The following KCNC2 variants were observed in gnomAD, a reference collection of about 807,000 sequenced individuals.
The protein encoded by KCNC2 is voltage-gated potassium channel KCNC2.
A neutral mutation model predicts 44.5 loss-of-function variants in KCNC2; 21 were observed. The observed-to-expected ratio is 0.47, with a 90% CI of 0.33 to 0.68. The LOEUF is 0.68. Ranked by LOEUF, KCNC2 falls within the 30% of genes least tolerant of loss-of-function variation. The pLI is 0.01. For missense variants in KCNC2, 589 were observed against 826.2 expected, an observed-to-expected ratio of 0.71 and a Z score of 3.52; for synonymous variants, 391 against 339.1, an observed-to-expected ratio of 1.15 and a Z score of -1.68.
intron 2 of KCNC2, among the ~76,000 whole-genome samples, chr12:75,121,007 A>C (rs534655021): frequency 3.3e-5 from 5 of 152,310 alleles, no homozygotes; most frequent in Non-Finnish European, 7.4e-5. Flanking sequence ...CACCATTTGC[A>C]CAGTGTCTGT....
chr12:75,174,377 T>C (rs1018202947), intron 2 of KCNC2, among the ~76,000 whole-genome samples: 81 of 152,062 alleles, frequency 5.3e-4, no homozygotes, highest in East Asian at 9.7e-4. Flanking sequence ...TTTTCAAATG[T>C]TCTTAGGTAA....
At chr12:75,143,483 T>C (rs2137418236) in intron 2 of KCNC2, among the ~76,000 whole-genome samples, 1 of 152,314 alleles carries the variant, frequency 6.6e-6, no homozygotes. Context: ...AGGTAGACAC[T>C]ACATTTGGTA....
intron 2 of KCNC2, among the ~76,000 whole-genome samples, chr12:75,106,528 C>T (rs1471911362): frequency 6.6e-6 from 1 of 151,948 alleles, no homozygotes; most frequent in African/African-American, 2.4e-5. Context: ...GGCATTATTA[C>T]CTTGCAGGGA....
At chr12:75,132,033 T>A (rs1291601970) in intron 2 of KCNC2, among the ~76,000 whole-genome samples, 1 of 152,118 alleles carries the variant, frequency 6.6e-6, no homozygotes, top group South Asian at 2.1e-4. Flanking sequence ...ATCAGAAAAT[T>A]TACTAATTTT....
chr12:75,058,742 A>G (rs909037200), intron 2 of KCNC2, among the ~76,000 whole-genome samples: 5 of 151,924 alleles, frequency 3.3e-5, no homozygotes, highest in African/African-American at 7.2e-5. Flanking sequence ...CTCAAATATT[A>G]TTGTTCTTGC....
intron 4 of KCNC2, chr12:75,043,553 G>A (rs2136912790): frequency 8.3e-7 from 1 of 1,201,194 alleles, no homozygotes; most frequent in East Asian, 3.0e-5. Context: ...ATTAGGCAAA[G>A]CAACTTAAGT....
At position 75,201,287 on chromosome 12, in the gene KCNC2, AAAAAAAAAAAAC is replaced by A. The variant is rs1276136039; in HGVS notation, c.687+5998_687+6009del. Among the ~76,000 whole-genome samples, 83 of 109,672 alleles carry A rather than the reference AAAAAAAAAAAAC, an allele frequency of 7.6e-4. 4 individuals are homozygous for A. The highest frequency in any genetic ancestry group is 2.2e-3 in the African/African-American group (63 of 28,496). The allele number at this position is 109,672 out of a possible 152,430, so 71.9% of individuals were successfully genotyped here. On this transcript the variant is annotated intron_variant, in intron 2 of 4. Transcript: ENST00000549446. The stretch of plus-strand genomic sequence containing the variant: ...GAAAAAAAAAAAAAAAAAAAAAAAA[AAAAAAAAAAAAC>A]CAGATTCTGGTTTACTTTATTAGTG...
chr12:75,084,843 AAG>A (rs1884860631), intron 2 of KCNC2, among the ~76,000 whole-genome samples: 2 of 151,870 alleles, frequency 1.3e-5, no homozygotes, highest in African/African-American at 4.8e-5. Context: ...TGTATGCTCT[AAG>A]AGAGTTAATG....
chr12:75,105,175 T>TCCTCATTG (rs956323708), intron 2 of KCNC2, among the ~76,000 whole-genome samples: 58 of 152,266 alleles, frequency 3.8e-4, no homozygotes, highest in African/African-American at 1.4e-3. Flanking sequence ...ATTTTTAATC[T>TCCTCATTG]CCTCATTGCA....
chr12:75,203,217 ATGTTTATT>A (rs2031430952), intron 2 of KCNC2, among the ~76,000 whole-genome samples: 1 of 151,710 alleles, frequency 6.6e-6, no homozygotes, highest in Non-Finnish European at 1.5e-5. Flanking sequence ...ATACTAGCAA[ATGTTTATT>A]TAGATCATGT....
intron 2 of KCNC2, among the ~76,000 whole-genome samples, chr12:75,122,465 C>T (rs1367164876): frequency 6.6e-6 from 1 of 152,164 alleles, no homozygotes; most frequent in Non-Finnish European, 1.5e-5. Context: ...AGGCTAAAGT[C>T]CTAACTCTTC....
Position 75,050,751 on chromosome 12 carries a change from G to A in KCNC2, c.1254C>T (p.His418=). The change falls in exon 3 of 5, where the codon CAC becomes CAT. Residue 418 remains histidine (H), a synonymous_variant. Coordinates refer to ENST00000549446, the MANE Select transcript of KCNC2 (RefSeq NM_139137.4). ...CAATGGGAATGTTTTTGAACTGTGT[G>A]TGCTCACTAGCTGAAGGGTCGTTAG... The part of the protein sequence containing the change: ...AQPNDPSASE[H]TQFKNIPIGF... 2 of 1,613,470 alleles carry A rather than the reference G, an allele frequency of 1.2e-6. No individual in the cohort carries two copies. Among genetic ancestry groups the A allele is most frequent in the Non-Finnish European group, 1.7e-6 (2 of 1,179,840 alleles).
chr12:75,043,818 G>C, intron 4 of KCNC2: 1 of 1,417,450 alleles, frequency 7.1e-7, no homozygotes, highest in Non-Finnish European at 9.4e-7. Flanking sequence ...TAATTCCTTG[G>C]GTAAGAAAAG....
intron 2 of KCNC2, among the ~76,000 whole-genome samples, chr12:75,157,621 C>A (rs981288520): frequency 1.6e-4 from 24 of 151,864 alleles, no homozygotes; most frequent in African/African-American, 5.6e-4. Context: ...TGAGTAACAT[C>A]ATATAATCAA....
chr12:75,045,250 C>T (rs1446553249), intron 4 of KCNC2, among the ~76,000 whole-genome samples: 1 of 151,894 alleles, frequency 6.6e-6, no homozygotes, highest in African/African-American at 2.4e-5. Context: ...ACAAGACCCC[C>T]AGAAAGATAA....
intron 2 of KCNC2, among the ~76,000 whole-genome samples, chr12:75,149,712 T>TAA (rs1890258646): frequency 6.6e-6 from 1 of 151,712 alleles, no homozygotes; most frequent in Non-Finnish European, 1.5e-5. Flanking sequence ...ACTGAAAGGA[T>TAA]CTTAATTACC....
At chr12:75,182,298 G>T in intron 2 of KCNC2, among the ~76,000 whole-genome samples, 1 of 151,508 alleles carries the variant, frequency 6.6e-6, no homozygotes, top group Non-Finnish European at 1.5e-5. Flanking sequence ...GCCGAGGGGG[G>T]CAGATCACAA....
intron 2 of KCNC2, among the ~76,000 whole-genome samples, chr12:75,066,603 T>A (rs1041589759): frequency 1.1e-4 from 17 of 152,190 alleles, no homozygotes; most frequent in Non-Finnish European, 2.4e-4. Flanking sequence ...CTTAAACCAG[T>A]TTTCTTTCAT....
chr12:75,114,333 T>C (rs1470323538), intron 2 of KCNC2, among the ~76,000 whole-genome samples: 3 of 152,198 alleles, frequency 2.0e-5, no homozygotes, highest in African/African-American at 4.8e-5. Flanking sequence ...TTGTACCCTA[T>C]AGCAAATCTA....
Sources: gnomAD v4.1 joint callset for allele counts (sites outside exome capture counted in the v4.1 genomes callset) on GRCh38, gnomAD v4.1.1 for gene constraint, MANE v1.5 for transcripts, NCBI Gene and HGNC (gene_info 2026-07-23, HGNC 2026-07-21) for gene names.